Variants in AP3D1 observed in about 807,000 individuals in gnomAD.
AP3D1 encodes adaptor related protein complex 3 subunit delta 1.
AP3D1 carries 51 observed loss-of-function variants against 147.6 expected under a neutral mutation model. The ratio of observed to expected loss-of-function variants is 0.35; its 90% CI spans 0.28 to 0.44. The LOEUF is 0.44. Among genes scored for constraint, AP3D1 ranks in the 20% least tolerant of loss-of-function variants. The pLI is 1.00. For missense variants in AP3D1, 1,421 were observed against 1,624.2 expected (o/e 0.87, Z 2.15); for synonymous variants, 760 against 663.0 (o/e 1.15, Z -2.25).
intron 1 of AP3D1, among the ~76,000 whole-genome samples, 197 bp from the exon 2 acceptor site, chr19:2,138,911 T>C (rs2019146839): frequency 1.3e-5 from 2 of 151,446 alleles, no homozygotes; most frequent in East Asian, 3.9e-4. Flanking sequence ...AATACAAAAA[T>C]TAGCTGGGCG....
At chr19:2,112,807 G>C in intron 24 of AP3D1, 53 bp downstream of exon 24, 2 of 1,434,172 alleles carry the variant, frequency 1.4e-6, no homozygotes, top group Non-Finnish European at 1.9e-6. Context: ...CCCACGTTGG[G>C]GTGCTGGGGC....
chr19:2,127,569 G>C (rs1465603245), intron 8 of AP3D1, among the ~76,000 whole-genome samples: 1 of 152,228 alleles, frequency 6.6e-6, no homozygotes, highest in East Asian at 1.9e-4. Context: ...CTGTTGCCCA[G>C]GCCGGAGTGC....
chr19:2,108,038 AGGCCCGAT>A (rs2018161212), intron 31 of AP3D1, among the ~76,000 whole-genome samples: 1 of 152,230 alleles, frequency 6.6e-6, no homozygotes, highest in Admixed American at 6.5e-5. Context: ...GGAACTCCCC[AGGCCCGAT>A]GGTTTTCTGG....
rs1163930981 is a variant in AP3D1, at chr19:2,115,234, T to C, written c.2334A>G (p.Thr778=). The C allele has an allele frequency of 1.9e-6, 3 of 1,613,306 alleles. No individual in the cohort carries two copies. The highest frequency in any genetic ancestry group is 3.3e-5 in the Admixed American group (2 of 60,022). Reference sequence around the variant, plus strand: ...CGAGGCTGACCTCAGGCATCTCCTCTGTGACGATGTCCACCTGCTGGGCAG... The same window carrying C: ...CGAGGCTGACCTCAGGCATCTCCTCCGTGACGATGTCCACCTGCTGGGCAG... ...IAPAQQVDIV[T]EEMPENALPS... Residue 778 remains threonine, a synonymous_variant, in exon 20 of 32, where the codon ACA becomes ACG. Coordinates refer to ENST00000643116, the MANE Select transcript of AP3D1 (RefSeq NM_001261826.3).
chr19:2,121,893 C>A lies in AP3D1; in HGVS notation c.956-14G>T. The A allele has an allele frequency of 6.3e-7, 1 of 1,594,834 alleles. No homozygotes were observed. The highest frequency in any genetic ancestry group is 8.5e-7 in the Non-Finnish European group (1 of 1,172,776). On this transcript the variant is annotated splice_polypyrimidine_tract_variant and intron_variant, in intron 11 of 31. Coordinates refer to ENST00000643116, the MANE Select transcript of AP3D1 (RefSeq NM_001261826.3). ...CCAGGTACTTCACTGCAGAGAGAGGCCAGAGCCGGGTCACTGGGACGGACA... is the reference window on the plus strand; with the variant it reads ...CCAGGTACTTCACTGCAGAGAGAGGACAGAGCCGGGTCACTGGGACGGACA...
rs572898613 is a variant in AP3D1, at chr19:2,116,671, G to C, written c.1935C>G (p.Phe645Leu). Residue 645 changes from phenylalanine to leucine, a missense_variant, in exon 17 of 32, where the codon TTC (phenylalanine) becomes TTG (leucine). Phe to Leu is a conservative substitution (Grantham distance 22, BLOSUM62 0). This residue lies in a region of AP3D1 where 791 missense variants were observed against 761.4 expected (regional missense o/e 1.04). Coordinates refer to ENST00000643116, the MANE Select transcript of AP3D1 (RefSeq NM_001261826.3). Reference protein sequence around the residue: ...ESEDERPRAVFHEEEQRRPKH... With the variant: ...ESEDERPRAVLHEEEQRRPKH... ...TGGGACGCCGCTGCTCCTCCTCGTG[G>C]AAGACGGCCCTGGGCCTCTCGTCCT... 1.9e-6 allele frequency: 3 copies of C among 1,608,406 alleles called. No individual in the cohort carries two copies. In the South Asian group the frequency reaches 3.3e-5, roughly 18 times the overall value.
intron 2 of AP3D1, 124 bp downstream of exon 2, chr19:2,138,495 G>T: frequency 1.3e-6 from 1 of 770,942 alleles, no homozygotes; most frequent in Non-Finnish European, 2.2e-6. Context: ...GCCCTGAGTG[G>T]CTCACCGACA....
chr19:2,155,016 T>C (rs1302401885), upstream of AP3D1, among the ~76,000 whole-genome samples: 1 of 151,798 alleles, frequency 6.6e-6, no homozygotes, highest in African/African-American at 2.4e-5. Context: ...CCTGACTCTA[T>C]TAAAAGTACA....
At chr19:2,137,681 T>A (rs2019113096) in intron 3 of AP3D1, 46 bp downstream of exon 3, 3 of 1,546,550 alleles carry the variant, frequency 1.9e-6, no homozygotes, top group Non-Finnish European at 2.7e-6. Context: ...GCCTCACACC[T>A]GTAATCACTC....
rs775337325 is a variant in AP3D1 at position 2,132,537 on chromosome 19, C to T, written c.396G>A (p.Leu132=). 4.3e-6 allele frequency: 7 copies of T among 1,611,560 alleles called. No homozygotes were observed. Among genetic ancestry groups the T allele is most frequent in the Non-Finnish European group, 5.9e-6 (7 of 1,177,934 alleles). The stretch of plus-strand genomic sequence containing the variant: ...GGGTGACGAAGCAGGACAGACCCGT[C>T]AGTGCAACACCTGTGTCGTACTGGC... The part of the protein sequence containing the change: ...SPSQYDTGVA[L]TGLSCFVTPD... The change falls in exon 5 of 32, where the codon CTG becomes CTA. Residue 132 remains leucine, a synonymous_variant. Transcript: ENST00000643116.
intron 12 of AP3D1, 32 bp from the exon 13 acceptor site, chr19:2,121,343 C>T (rs780612910): frequency 2.5e-6 from 4 of 1,609,582 alleles, no homozygotes; most frequent in Admixed American, 3.3e-5. Flanking sequence ...GTGGTGAGAG[C>T]GGACCCAGCC....
At chr19:2,117,753 T>C (rs1390161598) in intron 15 of AP3D1, among the ~76,000 whole-genome samples, 1 of 152,180 alleles carries the variant, frequency 6.6e-6, no homozygotes, top group Non-Finnish European at 1.5e-5. Flanking sequence ...GGGCCAAGGA[T>C]CATGGCCAGC....
chr19:2,155,326 A>C (rs2019635990), upstream of AP3D1, among the ~76,000 whole-genome samples: 1 of 151,652 alleles, frequency 6.6e-6, no homozygotes, highest in African/African-American at 2.4e-5. Context: ...GCGCCACTGC[A>C]CTCCAGCCTG....
In AP3D1 at chr19:2,112,864, T is replaced by A; in HGVS notation, c.2783A>T (p.Asp928Val). ...CTGGGGGAGTGACAGCCTCACCTTG[T>A]CCTGGTCTTGCCCCTCGGCATCGTC... ...EEDDAEGQDQDKKSPKPKKKK... is the reference protein window; with the variant it reads ...EEDDAEGQDQVKKSPKPKKKK... The change falls in exon 24 of 32, where the codon GAC becomes GTC. Residue 928 changes from aspartate (D) to valine (V), a missense_variant. Physicochemically the swap from Asp to Val is radical, Grantham distance 152 (BLOSUM62 -3). Transcript: ENST00000643116. The A allele has an allele frequency of 6.2e-7, 1 of 1,610,728 alleles. No homozygotes were observed.
intron 29 of AP3D1, 54 bp downstream of exon 29, chr19:2,109,819 T>C (rs1398346129): frequency 6.5e-7 from 1 of 1,537,194 alleles, no homozygotes; most frequent in Non-Finnish European, 9.0e-7. Flanking sequence ...GTCTGCAAGG[T>C]AGAGGGGAGG....
intron 4 of AP3D1, among the ~76,000 whole-genome samples, chr19:2,135,326 G>C (rs1205626119): frequency 6.7e-6 from 1 of 150,276 alleles, no homozygotes; most frequent in Non-Finnish European, 1.5e-5. Context: ...ACTTGAGGCT[G>C]GGAGTTCAAG....
At chr19:2,111,095 C>T (rs955986470) in intron 26 of AP3D1, 190 bp downstream of exon 26, 99 of 924,622 alleles carry the variant, frequency 1.1e-4, no homozygotes, top group Non-Finnish European at 1.5e-4. Context: ...TCCTGCCAGT[C>T]CAAGTCTCAG....
intron 4 of AP3D1, among the ~76,000 whole-genome samples, 169 bp from the exon 5 acceptor site, chr19:2,132,747 G>C (rs903436684): frequency 2.0e-5 from 3 of 152,218 alleles, no homozygotes; most frequent in Admixed American, 6.5e-5. Flanking sequence ...GGGGTCTGAA[G>C]CTGAACTCGG....
Position 2,141,293 on chromosome 19 carries a change from A to G in AP3D1, c.97-2579T>C, listed in dbSNP as rs1011599878. On this transcript the variant is annotated intron_variant, in intron 1 of 31. Coordinates refer to ENST00000643116, the MANE Select transcript of AP3D1 (RefSeq NM_001261826.3). Reference sequence around the variant, plus strand: ...CACACAGCAAGTGAGATACTAAAACAATGATGCTGGTCTCAGCATCTATTT... The same window carrying G: ...CACACAGCAAGTGAGATACTAAAACGATGATGCTGGTCTCAGCATCTATTT... Among the ~76,000 whole-genome samples the G allele has an allele frequency of 3.9e-5, 6 of 152,068 alleles. 1 individual carries two copies. The highest frequency in any genetic ancestry group is 1.4e-4 in the African/African-American group (6 of 41,386).
Sources: gnomAD v4.1 joint callset for allele counts (sites outside exome capture counted in the v4.1 genomes callset) on GRCh38, gnomAD v4.1.1 for gene constraint, gnomAD v4.1.1 regional missense constraint, MANE v1.5 for transcripts, NCBI Gene and HGNC (gene_info 2026-07-23, HGNC 2026-07-21) for gene names.